The following ZNF804B variants were observed in gnomAD, a reference collection of about 807,000 sequenced individuals.
ZNF804B encodes zinc finger 804B.
In ZNF804B, 80 loss-of-function variants were observed where a neutral mutation model predicts 101.4. The ratio of observed to expected loss-of-function variants is 0.79; its 90% confidence interval spans 0.66 to 0.95. The LOEUF is 0.95. Among genes scored for constraint, ZNF804B ranks in the 40% least tolerant of loss-of-function variants. ZNF804B has a pLI of 0.00. For synonymous variants in ZNF804B, 622 were observed against 558.8 expected (o/e 1.11, Z -1.59); for missense variants, 1,673 against 1,561.9 (o/e 1.07, Z -1.20).
intron 1 of ZNF804B, among the ~76,000 whole-genome samples, chr7:88,784,614 C>T (rs1254887496): frequency 1.3e-5 from 2 of 152,128 alleles, no homozygotes; most frequent in African/African-American, 4.8e-5. Flanking sequence ...ATACTCCGCA[C>T]ATTCACTGCC....
chr7:89,206,069 G>A (rs1442114347), intron 1 of ZNF804B, among the ~76,000 whole-genome samples: 5 of 152,216 alleles, frequency 3.3e-5, no homozygotes, highest in Non-Finnish European at 7.3e-5. Flanking sequence ...ACCCTCTAAA[G>A]CCATGACCTG....
intron 1 of ZNF804B, among the ~76,000 whole-genome samples, chr7:88,866,666 A>G (rs763076804): frequency 2.6e-5 from 4 of 152,216 alleles, no homozygotes; most frequent in Non-Finnish European, 4.4e-5. Flanking sequence ...CCAAATGAGT[A>G]ATCCCAGCCA....
At chr7:89,036,343 T>G (rs1382234688) in intron 1 of ZNF804B, among the ~76,000 whole-genome samples, 2 of 151,710 alleles carry the variant, frequency 1.3e-5, no homozygotes, top group African/African-American at 2.4e-5. Context: ...CCCTTAACAC[T>G]GATGTGCACA....
chr7:89,188,003 G>C lies in ZNF804B; in HGVS notation c.109-30152G>C, dbSNP rs577005116. Among the ~76,000 whole-genome samples, 271 of 152,136 alleles carry C rather than the reference G, an allele frequency of 1.8e-3. 2 individuals carry two copies. The highest frequency in any genetic ancestry group is 6.4e-3 in the African/African-American group (265 of 41,540). ...GGACTTATACCACATTTGCTTGTGT[G>C]GGTTGGGAAAGTCATTTGATTGTGT... On this transcript the variant is annotated intron_variant, in intron 1 of 3. Coordinates refer to ENST00000333190, the MANE Select transcript of ZNF804B (RefSeq NM_181646.5).
intron 2 of ZNF804B, among the ~76,000 whole-genome samples, chr7:89,227,395 T>TGTATGC (rs1789105474): frequency 6.6e-6 from 1 of 152,220 alleles, no homozygotes; most frequent in Admixed American, 6.5e-5. Flanking sequence ...TAGTGCCTTC[T>TGTATGC]GTATGCCCAG....
intron 1 of ZNF804B, among the ~76,000 whole-genome samples, chr7:89,076,754 A>G (rs1789620388): frequency 6.6e-6 from 1 of 152,212 alleles, no homozygotes; most frequent in Non-Finnish European, 1.5e-5. Flanking sequence ...TTGTTAAAAA[A>G]TAATAGAGGC....
chr7:89,240,676 AT>A (rs1554382875), intron 2 of ZNF804B, among the ~76,000 whole-genome samples: 3 of 151,440 alleles, frequency 2.0e-5, no homozygotes, highest in African/African-American at 2.4e-5. Flanking sequence ...TTTACCTTGC[AT>A]TTTTTTCCAC....
Position 89,337,748 on chromosome 7 carries a change from A to G in ZNF804B, c.*716A>G, listed in dbSNP as rs1043704820. The stretch of plus-strand genomic sequence containing the variant: ...GAATGTTTAACTTTTGTATAAAAAC[A>G]TATACAAACTATCATTAGTATTTGA... On this transcript the variant is annotated 3_prime_UTR_variant, in exon 4 of 4. Coordinates refer to ENST00000333190, the MANE Select transcript of ZNF804B (RefSeq NM_181646.5). 2.6e-5 allele frequency among the ~76,000 whole-genome samples: 4 copies of G among 152,144 alleles called. No individual in the cohort carries two copies. The highest frequency in any genetic ancestry group is 5.9e-5 in the Non-Finnish European group (4 of 67,970).
intron 1 of ZNF804B, among the ~76,000 whole-genome samples, chr7:88,819,900 A>C (rs1790949155): frequency 6.6e-6 from 1 of 152,258 alleles, no homozygotes; most frequent in East Asian, 1.9e-4. Context: ...GGGTCATAAA[A>C]CTGCTCAGAG....
chr7:89,165,306 T>A (rs1791125047), intron 1 of ZNF804B, among the ~76,000 whole-genome samples: 1 of 152,044 alleles, frequency 6.6e-6, no homozygotes, highest in Non-Finnish European at 1.5e-5. Context: ...ATACAGATGG[T>A]GATATGTCTG....
chr7:89,073,792 T>C (rs1358136092), intron 1 of ZNF804B, among the ~76,000 whole-genome samples: 1 of 152,208 alleles, frequency 6.6e-6, no homozygotes, highest in African/African-American at 2.4e-5. Flanking sequence ...CTTCTGGTCA[T>C]TTAATTGTAA....
intron 1 of ZNF804B, among the ~76,000 whole-genome samples, chr7:88,967,374 C>T (rs1793470947): frequency 6.6e-6 from 1 of 151,400 alleles, no homozygotes; most frequent in South Asian, 2.1e-4. Flanking sequence ...AACTCACTCA[C>T]TATTACGAGG....
intron 1 of ZNF804B, among the ~76,000 whole-genome samples, chr7:88,980,600 A>G (rs1793681231): frequency 6.6e-6 from 1 of 152,066 alleles, no homozygotes; most frequent in African/African-American, 2.4e-5. Context: ...CTTGGATAAG[A>G]TCAGGAAGAA....
At chr7:89,202,707 T>C (rs1788661718) in intron 1 of ZNF804B, among the ~76,000 whole-genome samples, 1 of 152,124 alleles carries the variant, frequency 6.6e-6, no homozygotes, top group Admixed American at 6.6e-5. Flanking sequence ...TTAATTGCTC[T>C]GCCATTGGTC....
intron 1 of ZNF804B, among the ~76,000 whole-genome samples, chr7:89,031,243 A>G (rs1788829969): frequency 1.3e-5 from 2 of 151,358 alleles, no homozygotes; most frequent in Non-Finnish European, 2.9e-5. Flanking sequence ...TAGGAAAAAA[A>G]AAACCCTGCT....
At chr7:88,865,735 C>T (rs1000703171) in intron 1 of ZNF804B, among the ~76,000 whole-genome samples, 2 of 152,104 alleles carry the variant, frequency 1.3e-5, no homozygotes, top group Non-Finnish European at 2.9e-5. Flanking sequence ...CTGCTGTGCT[C>T]TTATATGGCT....
intron 1 of ZNF804B, among the ~76,000 whole-genome samples, chr7:89,060,756 C>T (rs747886102): frequency 4.6e-5 from 7 of 152,034 alleles, no homozygotes; most frequent in South Asian, 2.1e-4. Context: ...TACATTTTTG[C>T]GAAATTGACT....
intron 1 of ZNF804B, among the ~76,000 whole-genome samples, chr7:89,100,344 T>C (rs139367315): frequency 1.2e-3 from 182 of 152,252 alleles, no homozygotes; most frequent in African/African-American, 4.2e-3. Context: ...ATCGAAGCCA[T>C]CCAACTATGA....
rs1009902756 is a variant in ZNF804B at position 88,862,519 on chromosome 7, C to T, written c.108+102435C>T. Among the ~76,000 whole-genome samples, 7 of 152,096 alleles carry T rather than the reference C, an allele frequency of 4.6e-5. 1 individual carries two copies. Among genetic ancestry groups the T allele is most frequent in the Non-Finnish European group, 8.8e-5 (6 of 68,012 alleles). On this transcript the variant is annotated intron_variant, in intron 1 of 3. Coordinates refer to ENST00000333190, the MANE Select transcript of ZNF804B (RefSeq NM_181646.5). ...GCTGTAGCTAATACTATAGATACAACAAAATTGAAAGTAATAGAATGTTCT... is the reference window on the plus strand; with the variant it reads ...GCTGTAGCTAATACTATAGATACAATAAAATTGAAAGTAATAGAATGTTCT...
Sources: gnomAD v4.1 joint callset for allele counts (sites outside exome capture counted in the v4.1 genomes callset) on GRCh38, gnomAD v4.1.1 for gene constraint, MANE v1.5 for transcripts, NCBI Gene and HGNC (gene_info 2026-07-23, HGNC 2026-07-21) for gene names.